Variants in IQCM observed in about 807,000 individuals in gnomAD.
IQCM encodes IQ motif containing M, also known as IQ domain-containing protein M.
Under a neutral mutation model 57.6 loss-of-function variants are expected in IQCM, and 45 were observed. The ratio of observed to expected loss-of-function variants is 0.78; its 90% CI spans 0.62 to 1.00. The LOEUF (loss-of-function observed/expected upper bound fraction) is 1.00, where lower values mean the gene tolerates loss of function less well. IQCM is among the 50% of genes least tolerant of loss of function. The pLI, the probability that IQCM is intolerant of heterozygous loss-of-function variation, is 0.00. For missense variants in IQCM, 468 were observed against 511.6 expected (o/e 0.91, Z 0.82); for synonymous variants, 148 against 158.9 (o/e 0.93, Z 0.51).
intron 12 of IQCM, among the ~76,000 whole-genome samples, chr4:149,444,036 A>G (rs1318515434): frequency 1.3e-5 from 2 of 151,880 alleles, no homozygotes; most frequent in Non-Finnish European, 2.9e-5. Context: ...ATAATGCATA[A>G]TAATTCCTGA....
chr4:149,437,801 T>G (rs1231332272), intron 12 of IQCM, among the ~76,000 whole-genome samples: 2 of 152,134 alleles, frequency 1.3e-5, no homozygotes, highest in African/African-American at 2.4e-5. Flanking sequence ...CTGTTCCTCC[T>G]TTGTATGTAT....
chr4:149,719,266 C>T (rs1303937765), intron 5 of IQCM, among the ~76,000 whole-genome samples: 1 of 151,630 alleles, frequency 6.6e-6, no homozygotes, highest in Non-Finnish European at 1.5e-5. Context: ...ATTACTTGAA[C>T]CCAGGAGGTG....
chr4:149,762,042 G>T (rs1769571811), intron 2 of IQCM, among the ~76,000 whole-genome samples: 1 of 151,966 alleles, frequency 6.6e-6, no homozygotes, highest in Non-Finnish European at 1.5e-5. Context: ...TTATCATAAA[G>T]AACTGAAGAA....
intron 12 of IQCM, among the ~76,000 whole-genome samples, chr4:149,437,830 C>T (rs1371006523): frequency 6.6e-6 from 1 of 152,116 alleles, no homozygotes; most frequent in Non-Finnish European, 1.5e-5. Context: ...GATATTTCAA[C>T]ACTCAAAATG....
intron 12 of IQCM, among the ~76,000 whole-genome samples, chr4:149,490,140 G>T (rs901984171): frequency 2.0e-5 from 3 of 151,794 alleles, no homozygotes; most frequent in Admixed American, 2.0e-4. Context: ...AATGAAAAAA[G>T]TCAAAGTACT....
At chr4:149,368,772 ATATATATACATG>A (rs1730032341) in intron 13 of IQCM, among the ~76,000 whole-genome samples, 2 of 80,970 alleles carry the variant, frequency 2.5e-5, no homozygotes, top group Non-Finnish European at 6.3e-5. Flanking sequence ...ATATATATAC[ATATATATACATG>A]TATATATATA....
chr4:149,526,902 A>G (rs1246343808), intron 12 of IQCM, among the ~76,000 whole-genome samples: 1 of 152,092 alleles, frequency 6.6e-6, no homozygotes, highest in Non-Finnish European at 1.5e-5. Context: ...GAAATAATTT[A>G]TTACAAAAAT....
At chr4:149,483,794 A>G (rs752499093) in intron 12 of IQCM, among the ~76,000 whole-genome samples, 27 of 151,868 alleles carry the variant, frequency 1.8e-4, no homozygotes, top group Non-Finnish European at 3.5e-4. Flanking sequence ...ATTTTTTTCT[A>G]TAGTGCAAAT....
At chr4:149,585,385 G>A (rs1752560440) in intron 9 of IQCM, among the ~76,000 whole-genome samples, 1 of 151,668 alleles carries the variant, frequency 6.6e-6, no homozygotes, top group South Asian at 2.1e-4. Flanking sequence ...AAGTTTCGTG[G>A]AATTTTTATG....
At chr4:149,383,675 C>A (rs1426649682) in intron 13 of IQCM, among the ~76,000 whole-genome samples, 2 of 152,064 alleles carry the variant, frequency 1.3e-5, no homozygotes, top group Admixed American at 6.6e-5. Flanking sequence ...GAGCATAAGC[C>A]GTGCATGGTG....
chr4:149,441,550 G>A (rs1367965511), intron 12 of IQCM, among the ~76,000 whole-genome samples: 3 of 152,058 alleles, frequency 2.0e-5, no homozygotes, highest in African/African-American at 7.2e-5. Context: ...AAGTAGCATG[G>A]GTTAGCAGCT....
At chr4:149,471,603 C>T (rs561092452) in intron 12 of IQCM, among the ~76,000 whole-genome samples, 1 of 152,282 alleles carries the variant, frequency 6.6e-6, no homozygotes, top group South Asian at 2.1e-4. Flanking sequence ...AGAGAATAAT[C>T]CTCCCTAATT....
At chr4:149,374,082 C>G (rs998595348) in intron 13 of IQCM, among the ~76,000 whole-genome samples, 1 of 152,110 alleles carries the variant, frequency 6.6e-6, no homozygotes, top group Admixed American at 6.6e-5. Context: ...GATTTCACAT[C>G]CTGATTTTGA....
chr4:149,464,679 T>G (rs377713425), intron 12 of IQCM, among the ~76,000 whole-genome samples: 3 of 152,148 alleles, frequency 2.0e-5, no homozygotes, highest in African/African-American at 4.8e-5. Flanking sequence ...ATCTACATTA[T>G]CCCTAGGTTC....
intron 12 of IQCM, among the ~76,000 whole-genome samples, chr4:149,541,578 A>C (rs1213369560): frequency 6.6e-6 from 1 of 152,040 alleles, no homozygotes; most frequent in Non-Finnish European, 1.5e-5. Flanking sequence ...TTCTCTTATT[A>C]TTAGTTTCAT....
In IQCM at chr4:149,686,276, G is replaced by A. The variant is rs554151202; in HGVS notation, c.476+102C>T. ...ACAATAAATTAGCTTCATGTATGGG[G>A]TGTTAATAGAAAAACTTGAGAGACC... On this transcript the variant is annotated intron_variant, in intron 6 of 13. Coordinates refer to ENST00000636793, the MANE Select transcript of IQCM (RefSeq NM_001363507.2). 7.8e-4 allele frequency: 340 copies of A among 438,170 alleles called. 2 individuals carry two copies. Among genetic ancestry groups the A allele is most frequent in the African/African-American group, 6.6e-3 (324 of 49,136 alleles). 27.1% of individuals were successfully genotyped at this position (438,170 alleles called of 1,614,324 possible).
chr4:149,517,004 G>C (rs992065129), intron 12 of IQCM, among the ~76,000 whole-genome samples: 8 of 148,860 alleles, frequency 5.4e-5, no homozygotes, highest in African/African-American at 1.7e-4. Flanking sequence ...GCACCTCTTA[G>C]TATTACCATG....
chr4:149,652,449 A>T (rs1759273880), intron 7 of IQCM, among the ~76,000 whole-genome samples: 1 of 152,050 alleles, frequency 6.6e-6, no homozygotes, highest in Non-Finnish European at 1.5e-5. Flanking sequence ...GTATCCCAGA[A>T]CTTAAAGTAA....
intron 7 of IQCM, among the ~76,000 whole-genome samples, chr4:149,659,584 T>C (rs1759978732): frequency 6.6e-6 from 1 of 152,008 alleles, no homozygotes; most frequent in Admixed American, 6.6e-5. Context: ...CAAACTATAC[T>C]ACAAGGCTAC....
Sources: gnomAD v4.1 joint callset for allele counts (sites outside exome capture counted in the v4.1 genomes callset) on GRCh38, gnomAD v4.1.1 for gene constraint, MANE v1.5 for transcripts, NCBI Gene and HGNC (gene_info 2026-07-23, HGNC 2026-07-21) for gene names.